The following DLC1 variants were observed in gnomAD, a reference collection of about 807,000 sequenced individuals.
DLC1 encodes the protein DLC1 Rho GTPase activating protein, also known as rho GTPase-activating protein 7.
DLC1 carries 54 observed loss-of-function variants against 140.3 expected under a neutral mutation model. The ratio of observed to expected loss-of-function variants is 0.38; its 90% CI spans 0.31 to 0.48. DLC1 has a LOEUF of 0.48. DLC1 is among the 20% of genes least tolerant of loss of function. The pLI, the probability that DLC1 is intolerant of heterozygous loss-of-function variation, is 0.96. For synonymous variants in DLC1, 986 were observed against 728.1 expected (o/e 1.35, Z -5.70); for missense variants, 2,536 against 1,907.0 (o/e 1.33, Z -6.14).
chr8:13,424,248 C>G (rs1488965817), intron 2 of DLC1, among the ~76,000 whole-genome samples: 1 of 152,032 alleles, frequency 6.6e-6, no homozygotes, highest in African/African-American at 2.4e-5. Context: ...CCTATAATCC[C>G]AGCACTTTGG....
At chr8:13,578,913 G>A (rs185702844) in intron 1 of DLC1, among the ~76,000 whole-genome samples, 1 of 151,732 alleles carries the variant, frequency 6.6e-6, no homozygotes, top group East Asian at 2.0e-4. Context: ...TCAACCTTCC[G>A]CCCTACTCCC....
chr8:13,180,369 A>G (rs1277269892), intron 5 of DLC1, among the ~76,000 whole-genome samples: 2 of 152,208 alleles, frequency 1.3e-5, no homozygotes, highest in Admixed American at 6.5e-5. Flanking sequence ...TGGCTTATTT[A>G]TCACATCCCA....
intron 1 of DLC1, among the ~76,000 whole-genome samples, chr8:13,583,685 T>C (rs543021225): frequency 2.0e-5 from 3 of 152,350 alleles, no homozygotes; most frequent in African/African-American, 7.2e-5. Context: ...CTATTAATTC[T>C]TTAGCGAAAT....
intron 2 of DLC1, among the ~76,000 whole-genome samples, chr8:13,473,847 A>G (rs1421241258): frequency 6.6e-6 from 1 of 152,212 alleles, no homozygotes; most frequent in African/African-American, 2.4e-5. Context: ...TCTAAGCAGC[A>G]AAGTATTCAA....
At chr8:13,587,706 C>T (rs77631817) in intron 1 of DLC1, among the ~76,000 whole-genome samples, 21,970 of 150,050 alleles carry the variant, frequency 0.15, 1,701 homozygotes, top group African/African-American at 0.19. Flanking sequence ...TTCTGTTTAC[C>T]TGGGAAGTAA....
intron 2 of DLC1, among the ~76,000 whole-genome samples, chr8:13,439,759 A>C (rs576861731): frequency 3.0e-4 from 45 of 152,244 alleles, no homozygotes; most frequent in African/African-American, 1.1e-3. Flanking sequence ...GAGCCCTGTG[A>C]ACTACCAGCT....
rs979613707 is a variant in DLC1, at chr8:13,554,685, A to C, written c.-126+49852T>G. ...TGTCTCTGAAATATGGTCCTTTCTT[A>C]CCACCTCTACTGCTACCAGTCTGGT... On this transcript the variant is annotated intron_variant, in intron 1 of 1. Transcript: ENST00000631382. 4.2e-4 allele frequency among the ~76,000 whole-genome samples: 64 copies of C among 152,074 alleles called. 1 individual carries two copies. Among genetic ancestry groups the C allele is most frequent in the Non-Finnish European group, 1.5e-4 (10 of 68,034 alleles).
chr8:13,453,482 A>T (rs1258344364), intron 2 of DLC1, among the ~76,000 whole-genome samples: 2 of 36,724 alleles, frequency 5.4e-5, no homozygotes, highest in Non-Finnish European at 9.4e-5. Flanking sequence ...ATATATATGT[A>T]TATATATACA....
intron 5 of DLC1, among the ~76,000 whole-genome samples, chr8:13,177,747 T>C (rs1160147800): frequency 6.6e-6 from 1 of 151,102 alleles, no homozygotes; most frequent in Admixed American, 6.6e-5. Flanking sequence ...CAGAAAAAAT[T>C]TTGGTTCTTG....
intron 4 of DLC1, chr8:13,353,604 C>T (rs574208453): frequency 6.6e-6 from 1 of 152,210 alleles, no homozygotes; most frequent in Non-Finnish European, 1.5e-5. Context: ...TGTCTGTAAT[C>T]CCAGCACTTT....
At chr8:13,108,979 T>C (rs777100982) in intron 7 of DLC1, among the ~76,000 whole-genome samples, 4 of 152,208 alleles carry the variant, frequency 2.6e-5, no homozygotes, top group Admixed American at 1.3e-4. Context: ...ACACACCCTG[T>C]ACGTTTCTAT....
intron 2 of DLC1, among the ~76,000 whole-genome samples, chr8:13,493,377 G>A (rs1403540147): frequency 1.3e-5 from 2 of 151,786 alleles, no homozygotes; most frequent in African/African-American, 4.8e-5. Context: ...TATCTTTTAG[G>A]TTTTCATTTC....
chr8:13,509,680 C>T (rs527937311), intron 1 of DLC1, among the ~76,000 whole-genome samples: 1 of 151,440 alleles, frequency 6.6e-6, no homozygotes, highest in South Asian at 2.1e-4. Context: ...GAAACAAATA[C>T]CATTATTGCT....
intron 1 of DLC1, among the ~76,000 whole-genome samples, chr8:13,581,579 A>G (rs1344853093): frequency 1.3e-5 from 2 of 152,190 alleles, no homozygotes; most frequent in African/African-American, 4.8e-5. Flanking sequence ...CTTTATATCC[A>G]CTGTCACCCA....
intron 5 of DLC1, among the ~76,000 whole-genome samples, chr8:13,196,587 T>G (rs993757675): frequency 2.6e-5 from 4 of 152,206 alleles, no homozygotes. Flanking sequence ...GATTCTTAAT[T>G]TTTCACAGAT....
intron 5 of DLC1, among the ~76,000 whole-genome samples, chr8:13,251,923 T>A (rs923588201): frequency 6.6e-6 from 1 of 152,200 alleles, no homozygotes; most frequent in Non-Finnish European, 1.5e-5. Context: ...AATTTCTTAA[T>A]AATATACATT....
intron 1 of DLC1, among the ~76,000 whole-genome samples, chr8:13,506,620 TAC>T (rs1802097321): frequency 6.8e-6 from 1 of 148,030 alleles, no homozygotes; most frequent in African/African-American, 2.5e-5. Context: ...CACATATATA[TAC>T]ACACAGAGAG....
chr8:13,380,480 T>C (rs1836202949), intron 4 of DLC1, among the ~76,000 whole-genome samples: 2 of 152,232 alleles, frequency 1.3e-5, no homozygotes, highest in Non-Finnish European at 1.5e-5. Flanking sequence ...TAAACTCTGC[T>C]TTTATCAGGA....
chr8:13,457,674 C>T (rs11203490), intron 2 of DLC1, among the ~76,000 whole-genome samples: 1 of 59,614 alleles, frequency 1.7e-5, no homozygotes, highest in African/African-American at 7.0e-5. Flanking sequence ...AAGACTCCAT[C>T]TCAAAAAAAA....
Sources: allele counts gnomAD v4.1 joint callset (sites outside exome capture counted in the v4.1 genomes callset), GRCh38; gene constraint gnomAD v4.1.1; transcripts MANE v1.5; gene names NCBI Gene and HGNC (gene_info 2026-07-23, HGNC 2026-07-21).